TP53BP2: variants seen among roughly 807,000 people sequenced by gnomAD.
The protein encoded by TP53BP2 is apoptosis-stimulating of p53 protein 2.
In TP53BP2, 62 loss-of-function variants were observed where a neutral mutation model predicts 126.2. The observed-to-expected ratio is 0.49, with a 90% CI of 0.40 to 0.61. TP53BP2 has a LOEUF of 0.61. Ranked by LOEUF, TP53BP2 falls within the 20% of genes least tolerant of loss-of-function variation. The probability of loss-of-function intolerance (pLI) is 0.00; values close to 1 mark genes in which losing one functional copy is unlikely to be tolerated. For synonymous variants in TP53BP2, 485 were observed against 502.9 expected (o/e 0.96, Z 0.48); for missense variants, 1,215 against 1,402.8 (o/e 0.87, Z 2.14).
chr1:223,840,441 C>T (rs1664066636), intron 1 of TP53BP2, among the ~76,000 whole-genome samples: 1 of 152,204 alleles, frequency 6.6e-6, no homozygotes, highest in Admixed American at 6.5e-5. Flanking sequence ...CTGAAAAGAA[C>T]ACTCTGGATT....
At chr1:223,819,349 A>G (rs1233682978) in intron 2 of TP53BP2, among the ~76,000 whole-genome samples, 2 of 152,062 alleles carry the variant, frequency 1.3e-5, no homozygotes, top group African/African-American at 4.8e-5. Flanking sequence ...TATGAAAATG[A>G]GAAGAAAATG....
In TP53BP2 at chr1:223,821,327, A is replaced by G; in HGVS notation, c.68T>C (p.Phe23Ser). The change falls in exon 2 of 18, where the codon TTC becomes TCC. Residue 23 changes from phenylalanine (F) to serine (S), a missense_variant. Phe to Ser is a radical substitution (Grantham distance 155, BLOSUM62 -2). Transcript: ENST00000343537. Reference protein sequence around the residue: ...TVYLSNNEQHFTEVPVTPETI... With the variant: ...TVYLSNNEQHSTEVPVTPETI... ...TTCTGGAGTAACTGGAACTTCTGTG[A>G]AGTGCTGCTCATTGTTACTGAGATA... 1 of 1,614,080 alleles carries G rather than the reference A, an allele frequency of 6.2e-7. No homozygotes were observed. Among genetic ancestry groups the G allele is most frequent in the East Asian group, 2.2e-5 (1 of 44,890 alleles).
intron 1 of TP53BP2, among the ~76,000 whole-genome samples, chr1:223,828,371 A>T (rs1302377313): frequency 6.6e-6 from 1 of 152,232 alleles, no homozygotes. Flanking sequence ...GTGAATTTTT[A>T]GGAACTTATC....
At chr1:223,781,044 G>T in intron 17 of TP53BP2, 150 bp from the exon 18 acceptor site, 1 of 719,852 alleles carries the variant, frequency 1.4e-6, no homozygotes, top group Non-Finnish European at 2.3e-6. Context: ...GGCACCTAGA[G>T]CTTTACGTTT....
intron 3 of TP53BP2, among the ~76,000 whole-genome samples, chr1:223,811,174 C>T (rs1055140837): frequency 3.9e-5 from 6 of 152,046 alleles, no homozygotes; most frequent in Admixed American, 6.6e-5. Flanking sequence ...ATACATGGGT[C>T]TTTCAGTACC....
At chr1:223,816,811 G>A (rs990897519) in intron 2 of TP53BP2, among the ~76,000 whole-genome samples, 4 of 151,162 alleles carry the variant, frequency 2.6e-5, no homozygotes, top group African/African-American at 9.7e-5. Flanking sequence ...CTACCTATGG[G>A]TATCCCATAA....
intron 1 of TP53BP2, among the ~76,000 whole-genome samples, chr1:223,843,601 T>G (rs1040718212): frequency 1.3e-5 from 2 of 152,190 alleles, no homozygotes; most frequent in African/African-American, 4.8e-5. Context: ...TGGCATATTT[T>G]ATTTTATGTA....
chr1:223,834,940 CAT>C lies in TP53BP2; in HGVS notation c.27+10712_27+10713del, dbSNP rs750319209. On this transcript the variant is annotated intron_variant, in intron 1 of 17. Transcript: ENST00000343537. ...ACTGGTCTATACATTCTTTAGTACA[CAT>C]GTTTTGGTTCTTAAATGCCTCCTCC... 8.6e-5 allele frequency: 77 copies of C among 893,394 alleles called. 2 individuals carry two copies. The South Asian group carries it at 9.8e-4, about 11-fold the overall frequency. The allele number at this position is 893,394 out of a possible 1,614,324, so 55.3% of individuals were successfully genotyped here. A position where few individuals can be genotyped will look rare whatever the true frequency, so the allele number is the denominator to read the frequency against.
At chr1:223,786,197 G>A (rs1222122) in intron 16 of TP53BP2, among the ~76,000 whole-genome samples, 9,446 of 152,244 alleles carry the variant, frequency 0.062, 995 homozygotes, top group African/African-American at 0.21. Flanking sequence ...CAAAACTGCA[G>A]ATATTAGTTA....
chr1:223,831,614 T>C (rs1663733797), intron 1 of TP53BP2, among the ~76,000 whole-genome samples: 1 of 149,284 alleles, frequency 6.7e-6, no homozygotes, highest in Admixed American at 6.7e-5. Flanking sequence ...AATATTTTTA[T>C]AATAATGTAT....
chr1:223,795,882 T>C lies in TP53BP2; in HGVS notation c.2657A>G (p.Glu886Gly). The change falls in exon 13 of 18, where the codon GAA becomes GGA. Residue 886 changes from glutamate to glycine, a missense_variant. Glu to Gly is a moderately conservative substitution (Grantham distance 98). Coordinates refer to ENST00000343537, the MANE Select transcript of TP53BP2 (RefSeq NM_001031685.3). Reference protein sequence around the residue: ...PPPPYPSGEPEGPGEDSVSMR... With the variant: ...PPPPYPSGEPGGPGEDSVSMR... ...GCTCACCGAGTCTTCTCCGGGCCCT[T>C]CAGGCTCCCCAGATGGGTATGGTGG... is the stretch of plus-strand genomic sequence containing the variant. 6.2e-7 allele frequency: 1 copy of C among 1,603,638 alleles called. No homozygotes were observed.
rs191490552 is a variant in TP53BP2, at chr1:223,813,830, G to T, written c.289+410C>A. ...CCTCCATCATCACTCCTACCTCAGAGAAAACAAATGTTTTTAGATGAGAAA... is the reference window on the plus strand; with the variant it reads ...CCTCCATCATCACTCCTACCTCAGATAAAACAAATGTTTTTAGATGAGAAA... On this transcript the variant is annotated intron_variant, in intron 3 of 17. Coordinates refer to ENST00000343537, the MANE Select transcript of TP53BP2 (RefSeq NM_001031685.3). Among the ~76,000 whole-genome samples, 912 of 152,132 alleles carry T rather than the reference G, an allele frequency of 6.0e-3. 11 individuals carry two copies. The highest frequency in any genetic ancestry group is 0.019 in the African/African-American group (777 of 41,498).
rs576270138 is a variant in TP53BP2 at position 223,796,521 on chromosome 1, C to T, written c.2018G>A (p.Ser673Asn). 1 of 1,613,846 alleles carries T rather than the reference C, an allele frequency of 6.2e-7. No individual in the cohort carries two copies. The highest frequency in any genetic ancestry group is 1.3e-5 in the African/African-American group (1 of 74,912). Residue 673 changes from serine to asparagine, a missense_variant, in exon 13 of 18, where the codon AGC becomes AAC. Ser to Asn is a conservative substitution (Grantham distance 46, BLOSUM62 1). Coordinates refer to ENST00000343537, the MANE Select transcript of TP53BP2 (RefSeq NM_001031685.3). This position sits in a 1 kb window ranked among gnomAD's most constrained non-coding sequence, Gnocchi z 4.2. ...QQHPENIYSN[S>N]QGKPGSPEPE... Reference sequence around the variant, plus strand: ...TTCTGGACTGCCAGGCTTGCCCTGGCTATTGGAATAAATGTTCTCTGGGTG... The same window carrying T: ...TTCTGGACTGCCAGGCTTGCCCTGGTTATTGGAATAAATGTTCTCTGGGTG...
intron 4 of TP53BP2, among the ~76,000 whole-genome samples, chr1:223,809,191 G>A (rs192439566): frequency 5.3e-4 from 80 of 152,188 alleles, no homozygotes; most frequent in Non-Finnish European, 4.1e-4. Flanking sequence ...AAGATACATT[G>A]TGTCCATATG....
At chr1:223,804,714 G>C (rs1187607350) in intron 5 of TP53BP2, among the ~76,000 whole-genome samples, 4 of 152,148 alleles carry the variant, frequency 2.6e-5, no homozygotes, top group African/African-American at 9.7e-5. Flanking sequence ...AAATGCACAA[G>C]ATTTGGAGTA....
chr1:223,792,416 T>C lies in TP53BP2; in HGVS notation c.2969A>G (p.Asn990Ser). The C allele has an allele frequency of 6.2e-7, 1 of 1,612,620 alleles. No homozygotes were observed. The highest frequency in any genetic ancestry group is 8.5e-7 in the Non-Finnish European group (1 of 1,179,342). ...IVKFLVQFGV[N>S]VNAADSDGWT... The stretch of plus-strand genomic sequence containing the variant: ...TCCATCACTATCAGCAGCATTTACA[T>C]TTACACCAAACTGTACCAGGAACTT... The change falls in exon 15 of 18, where the codon AAT (asparagine) becomes AGT (serine). Residue 990 changes from asparagine (N) to serine (S), a missense_variant. By Grantham distance (46) the Asn-to-Ser change is conservative (BLOSUM62 1). Coordinates refer to ENST00000343537, the MANE Select transcript of TP53BP2 (RefSeq NM_001031685.3).
chr1:223,836,674 G>C (rs1274290714), intron 1 of TP53BP2, among the ~76,000 whole-genome samples: 1 of 152,124 alleles, frequency 6.6e-6, no homozygotes, highest in African/African-American at 2.4e-5. Context: ...GGCCTGATGG[G>C]GCAGAGAACA....
chr1:223,824,542 G>C (rs1663422746), intron 1 of TP53BP2, among the ~76,000 whole-genome samples: 1 of 152,160 alleles, frequency 6.6e-6, no homozygotes, highest in African/African-American at 2.4e-5. Context: ...CCTTAGGCAA[G>C]TAATGTCACC....
intron 5 of TP53BP2, 39 bp downstream of exon 5, chr1:223,806,798 TAGGCGACAG>T (rs1466062871): frequency 6.7e-7 from 1 of 1,494,838 alleles, no homozygotes; most frequent in African/African-American, 1.4e-5. Context: ...CACTCCAGCC[TAGGCGACAG>T]AGTGAGCATT....
Sources: allele counts gnomAD v4.1 joint callset (sites outside exome capture counted in the v4.1 genomes callset), GRCh38; gene constraint gnomAD v4.1.1; non-coding constraint Gnocchi (gnomAD v3.1); transcripts MANE v1.5; gene names NCBI Gene and HGNC (gene_info 2026-07-23, HGNC 2026-07-21).